Variants in CPNE8 observed in about 807,000 individuals in gnomAD.
The protein encoded by CPNE8 is copine 8.
A neutral mutation model predicts 81.5 loss-of-function variants in CPNE8; 45 were observed. The observed-to-expected ratio is 0.55, with a 90% CI of 0.44 to 0.71. The LOEUF is 0.71. Ranked by LOEUF, CPNE8 falls within the 30% of genes least tolerant of loss-of-function variation. CPNE8 has a pLI of 0.00. For missense variants in CPNE8, 594 were observed against 672.1 expected (o/e 0.88, Z 1.28); for synonymous variants, 252 against 226.3 (o/e 1.11, Z -1.02).
At chr12:38,784,171 T>C (rs1031477489) in intron 6 of CPNE8, among the ~76,000 whole-genome samples, 1 of 152,148 alleles carries the variant, frequency 6.6e-6, no homozygotes, top group Non-Finnish European at 1.5e-5. Context: ...AAAATTAAAA[T>C]AATTTAAAAG....
intron 6 of CPNE8, among the ~76,000 whole-genome samples, chr12:38,827,039 G>C (rs538278991): frequency 1.3e-5 from 2 of 150,380 alleles, no homozygotes; most frequent in African/African-American, 4.9e-5. Flanking sequence ...AAAATTAGCA[G>C]GGTGCCACAC....
chr12:38,797,664 A>G (rs1210190345), intron 6 of CPNE8, among the ~76,000 whole-genome samples: 2 of 152,202 alleles, frequency 1.3e-5, no homozygotes, highest in African/African-American at 4.8e-5. Context: ...AAAGGAACCC[A>G]GTTCCTCACC....
At chr12:38,814,631 C>A (rs776612476) in intron 6 of CPNE8, among the ~76,000 whole-genome samples, 1 of 151,918 alleles carries the variant, frequency 6.6e-6, no homozygotes, top group African/African-American at 2.4e-5. Flanking sequence ...ATTTATGTGG[C>A]TTTTATTTTT....
At chr12:38,769,659 T>C (rs1180742844) in intron 7 of CPNE8, among the ~76,000 whole-genome samples, 5 of 152,098 alleles carry the variant, frequency 3.3e-5, no homozygotes, top group Non-Finnish European at 5.9e-5. Flanking sequence ...TGGACCAAAA[T>C]ATAAACTTCC....
intron 3 of CPNE8, among the ~76,000 whole-genome samples, chr12:38,859,746 GA>G (rs1350544090): frequency 1.3e-5 from 2 of 152,048 alleles, no homozygotes; most frequent in Non-Finnish European, 1.5e-5. Flanking sequence ...GAATAGAAGA[GA>G]AAGCTCATAA....
At chr12:38,677,687 G>A in intron 16 of CPNE8, 133 bp from the exon 17 acceptor site, 1 of 610,272 alleles carries the variant, frequency 1.6e-6, no homozygotes, top group South Asian at 2.0e-5. Context: ...TATATCTTAT[G>A]CAAACTTTCA....
intron 14 of CPNE8, among the ~76,000 whole-genome samples, chr12:38,700,442 T>C (rs1215817289): frequency 6.6e-6 from 1 of 152,034 alleles, no homozygotes; most frequent in Non-Finnish European, 1.5e-5. Flanking sequence ...TTTCACCATG[T>C]TGCCCAGGCT....
At chr12:38,880,397 A>G (rs1944135160) in intron 1 of CPNE8, among the ~76,000 whole-genome samples, 1 of 152,222 alleles carries the variant, frequency 6.6e-6, no homozygotes, top group Admixed American at 6.5e-5. Flanking sequence ...TTAGTCTCCA[A>G]TCTAAAGCAC....
At chr12:38,786,135 C>T (rs1180998443) in intron 6 of CPNE8, among the ~76,000 whole-genome samples, 1 of 152,218 alleles carries the variant, frequency 6.6e-6, no homozygotes, top group Non-Finnish European at 1.5e-5. Context: ...GATTAAAAAA[C>T]AAAGCCCAAT....
At chr12:38,672,197 G>A (rs1398773129) in intron 18 of CPNE8, among the ~76,000 whole-genome samples, 1 of 152,130 alleles carries the variant, frequency 6.6e-6, no homozygotes, top group Non-Finnish European at 1.5e-5. Context: ...TGGGAAACAA[G>A]AATTAGATGA....
chr12:38,764,102 T>A (rs999403886), intron 8 of CPNE8, among the ~76,000 whole-genome samples: 2 of 152,098 alleles, frequency 1.3e-5, no homozygotes, highest in African/African-American at 4.8e-5. Context: ...AAAATGTATC[T>A]ATGGTCAAAT....
intron 14 of CPNE8, among the ~76,000 whole-genome samples, chr12:38,700,419 A>G (rs1323415193): frequency 6.6e-6 from 1 of 151,662 alleles, no homozygotes; most frequent in Non-Finnish European, 1.5e-5. Context: ...TTTGTATTTT[A>G]GTAGAGACGG....
At chr12:38,808,579 A>G (rs1942869970) in intron 6 of CPNE8, among the ~76,000 whole-genome samples, 1 of 132,218 alleles carries the variant, frequency 7.6e-6, no homozygotes, top group South Asian at 2.5e-4. Context: ...CAAGAAGGGG[A>G]ACATCACACT....
intron 13 of CPNE8, among the ~76,000 whole-genome samples, chr12:38,705,496 G>T (rs1247456235): frequency 1.3e-5 from 2 of 152,050 alleles, no homozygotes; most frequent in Non-Finnish European, 2.9e-5. Context: ...TCTCAGAGTA[G>T]AAATCAGGTT....
intron 3 of CPNE8, among the ~76,000 whole-genome samples, chr12:38,860,557 T>C (rs1943815577): frequency 9.6e-6 from 1 of 103,770 alleles, no homozygotes; most frequent in Non-Finnish European, 2.0e-5. Context: ...CTTTTGAGTA[T>C]ATATCAAAAA....
intron 10 of CPNE8, among the ~76,000 whole-genome samples, chr12:38,749,265 T>C (rs1592059243): frequency 1.3e-5 from 2 of 151,778 alleles, no homozygotes; most frequent in South Asian, 4.1e-4. Flanking sequence ...ATTGTGAGTC[T>C]TCCCCCGCCA....
intron 1 of CPNE8, among the ~76,000 whole-genome samples, chr12:38,904,469 T>TTG (rs1491071798): frequency 1.5e-5 from 2 of 134,528 alleles, no homozygotes; most frequent in African/African-American, 5.7e-5. Flanking sequence ...AGTTTTTTTT[T>TTG]GTTTTTTTTT....
chr12:38,731,483 TA>T (rs752052568), intron 10 of CPNE8, among the ~76,000 whole-genome samples: 4 of 151,810 alleles, frequency 2.6e-5, no homozygotes, highest in East Asian at 1.9e-4. Context: ...GTTTTTGCAA[TA>T]AAAAAATGTT....
At chr12:38,713,164 A>T (rs942231334) in intron 13 of CPNE8, among the ~76,000 whole-genome samples, 4 of 152,164 alleles carry the variant, frequency 2.6e-5, no homozygotes, top group Non-Finnish European at 4.4e-5. Context: ...ACTACTATAC[A>T]ATGCCTCAAT....
Sources: gnomAD v4.1 joint callset for allele counts (sites outside exome capture counted in the v4.1 genomes callset) on GRCh38, gnomAD v4.1.1 for gene constraint, MANE v1.5 for transcripts, NCBI Gene and HGNC (gene_info 2026-07-23, HGNC 2026-07-21) for gene names.